Variants in DLG2 observed in about 807,000 individuals in gnomAD.
The protein encoded by DLG2 is discs large MAGUK scaffold protein 2.
Under a neutral mutation model 132.5 loss-of-function variants are expected in DLG2, and 45 were observed. The ratio of observed to expected loss-of-function variants is 0.34; its 90% CI spans 0.27 to 0.44. The LOEUF is 0.44. Ranked by LOEUF, DLG2 falls within the 20% of genes least tolerant of loss-of-function variation. The pLI, the probability that DLG2 is intolerant of heterozygous loss-of-function variation, is 1.00. For missense variants in DLG2, 1,045 were observed against 1,196.9 expected, an observed-to-expected ratio of 0.87 and a Z score of 1.87; for synonymous variants, 424 against 419.6, an observed-to-expected ratio of 1.01 and a Z score of -0.13.
intron 6 of DLG2, among the ~76,000 whole-genome samples, chr11:85,048,275 T>G (rs2062550015): frequency 6.6e-6 from 1 of 151,962 alleles, no homozygotes; most frequent in African/African-American, 2.4e-5. Flanking sequence ...GCAATATTAG[T>G]TTTTGTTATA....
intron 7 of DLG2, among the ~76,000 whole-genome samples, chr11:84,313,874 C>T (rs911447637): frequency 9.9e-5 from 15 of 152,172 alleles, no homozygotes; most frequent in East Asian, 5.8e-4. Context: ...CATTTTGGAA[C>T]GCACTTTTGG....
intron 9 of DLG2, among the ~76,000 whole-genome samples, chr11:84,123,012 T>C (rs1477859539): frequency 6.6e-6 from 1 of 151,992 alleles, no homozygotes; most frequent in Non-Finnish European, 1.5e-5. Flanking sequence ...AGGAAAATAT[T>C]GGAAAAAAAA....
intron 6 of DLG2, among the ~76,000 whole-genome samples, chr11:84,620,699 G>C (rs1358326598): frequency 2.6e-5 from 4 of 152,036 alleles, no homozygotes; most frequent in Non-Finnish European, 4.4e-5. Context: ...TCATAAGTCT[G>C]ATAAAATTTT....
intron 6 of DLG2, among the ~76,000 whole-genome samples, chr11:84,991,532 A>C (rs2057120492): frequency 6.6e-6 from 1 of 150,492 alleles, no homozygotes; most frequent in Non-Finnish European, 1.5e-5. Flanking sequence ...AAAAAGAAAG[A>C]AAGAAAGGAA....
intron 6 of DLG2, among the ~76,000 whole-genome samples, chr11:84,731,930 C>T (rs1354401797): frequency 6.6e-6 from 1 of 151,956 alleles, no homozygotes; most frequent in East Asian, 1.9e-4. Flanking sequence ...ACCTCTACCC[C>T]TCATACTCTT....
intron 6 of DLG2, among the ~76,000 whole-genome samples, chr11:84,593,445 A>G (rs370845540): frequency 2.0e-5 from 3 of 152,224 alleles, no homozygotes; most frequent in East Asian, 3.9e-4. Flanking sequence ...CATATACACC[A>G]TGGAATACTA....
intron 6 of DLG2, among the ~76,000 whole-genome samples, chr11:84,928,976 GTGTGTGTATATA>G (rs1448805957): frequency 3.3e-5 from 1 of 30,118 alleles, no homozygotes; most frequent in Non-Finnish European, 7.7e-5. Context: ...GTGTGTGTGT[GTGTGTGTATATA>G]TATATATATA....
chr11:84,066,175 T>C (rs781088627), intron 10 of DLG2, among the ~76,000 whole-genome samples: 5 of 151,894 alleles, frequency 3.3e-5, no homozygotes, highest in Non-Finnish European at 7.4e-5. Flanking sequence ...CGACATGCAA[T>C]TCACCTATAT....
chr11:83,582,345 G>T (rs2096995071), intron 19 of DLG2, among the ~76,000 whole-genome samples: 2 of 152,126 alleles, frequency 1.3e-5, no homozygotes, highest in African/African-American at 4.8e-5. Flanking sequence ...AAAGTTACTG[G>T]AATATTACAG....
intron 11 of DLG2, among the ~76,000 whole-genome samples, chr11:84,055,480 G>A (rs1295411156): frequency 6.6e-6 from 1 of 152,014 alleles, no homozygotes; most frequent in Admixed American, 6.6e-5. Context: ...GGTGAACAAA[G>A]CTAAGCATGA....
intron 19 of DLG2, among the ~76,000 whole-genome samples, chr11:83,593,422 C>G (rs534713339): frequency 1.3e-4 from 19 of 151,894 alleles, no homozygotes; most frequent in African/African-American, 4.6e-4. Context: ...CATATTCTCA[C>G]TCACAGGTGG....
At chr11:83,869,305 A>T (rs939735486) in intron 16 of DLG2, among the ~76,000 whole-genome samples, 6 of 150,666 alleles carry the variant, frequency 4.0e-5, no homozygotes, top group Non-Finnish European at 8.9e-5. Flanking sequence ...CATTAGCTTT[A>T]AAAAAAAAGC....
At chr11:84,642,992 TC>T (rs752568485) in intron 6 of DLG2, among the ~76,000 whole-genome samples, 13 of 152,328 alleles carry the variant, frequency 8.5e-5, no homozygotes, top group Middle Eastern at 3.4e-3. Flanking sequence ...TTTTTTCTTC[TC>T]TAGTCTAAGC....
At chr11:85,054,686 A>C (rs1400578286) in intron 6 of DLG2, among the ~76,000 whole-genome samples, 2 of 152,200 alleles carry the variant, frequency 1.3e-5, no homozygotes, top group African/African-American at 4.8e-5. Flanking sequence ...ACATCCACAG[A>C]AAAAAACAAA....
chr11:83,627,348 T>A (rs1247965292), intron 19 of DLG2, among the ~76,000 whole-genome samples: 2 of 152,038 alleles, frequency 1.3e-5, no homozygotes, highest in Non-Finnish European at 2.9e-5. Flanking sequence ...CCTAATGCTA[T>A]CCCTCCCCTC....
intron 6 of DLG2, among the ~76,000 whole-genome samples, chr11:84,614,714 T>C (rs905038817): frequency 6.6e-6 from 1 of 152,170 alleles, no homozygotes; most frequent in African/African-American, 2.4e-5. Context: ...AAAGCTGTTA[T>C]GATAAACAAA....
chr11:85,615,188 T>C (rs1417532678), intron 2 of DLG2, among the ~76,000 whole-genome samples: 2 of 152,178 alleles, frequency 1.3e-5, no homozygotes, highest in African/African-American at 4.8e-5. Flanking sequence ...TGATAGAAAA[T>C]GTGCAAGGCT....
intron 3 of DLG2, among the ~76,000 whole-genome samples, chr11:85,380,924 G>A (rs1204846830): frequency 1.3e-5 from 2 of 152,082 alleles, no homozygotes; most frequent in Non-Finnish European, 2.9e-5. Flanking sequence ...ACTCTAACAA[G>A]ACCAAGGGAA....
rs1002638247 is a variant in DLG2, at chr11:84,175,699, T to C, written c.574-12188A>G. On this transcript the variant is annotated intron_variant, in intron 8 of 27. Transcript: ENST00000376104. ...ATCCCATTTAAAAAGCACATCACTA[T>C]CTTCACAACCTTGGGAAAAGAGCTA... 3.9e-5 allele frequency among the ~76,000 whole-genome samples: 6 copies of C among 152,128 alleles called. No homozygotes were observed. The South Asian group carries it at 1.0e-3, about 26-fold the overall frequency.
Sources: allele counts gnomAD v4.1 joint callset (sites outside exome capture counted in the v4.1 genomes callset), GRCh38; gene constraint gnomAD v4.1.1; transcripts MANE v1.5; gene names NCBI Gene and HGNC (gene_info 2026-07-23, HGNC 2026-07-21).